ST6GAL1: variants seen among roughly 807,000 people sequenced by gnomAD.
The protein encoded by ST6GAL1 is beta-galactoside alpha-2,6-sialyltransferase 1.
A neutral mutation model predicts 38.0 loss-of-function variants in ST6GAL1; 20 were observed. That is an observed-to-expected ratio of 0.53 (90% CI 0.37 to 0.77). ST6GAL1 has a LOEUF of 0.77. Among genes scored for constraint, ST6GAL1 ranks in the 30% least tolerant of loss-of-function variants. The probability of loss-of-function intolerance (pLI) is 0.00; values close to 1 mark genes in which losing one functional copy is unlikely to be tolerated. For missense variants in ST6GAL1, 432 were observed against 496.4 expected (o/e 0.87, Z 1.23); for synonymous variants, 196 against 188.2 (o/e 1.04, Z -0.34).
At chr3:186,950,121 G>A (rs533540195) in intron 1 of ST6GAL1, among the ~76,000 whole-genome samples, 8 of 152,254 alleles carry the variant, frequency 5.3e-5, no homozygotes, top group Admixed American at 1.3e-4. Flanking sequence ...AGCTGTGGAG[G>A]GAGCTGGAGG....
At chr3:187,058,770 T>C (rs927978093) in intron 5 of ST6GAL1, among the ~76,000 whole-genome samples, 3 of 152,058 alleles carry the variant, frequency 2.0e-5, no homozygotes, top group African/African-American at 7.2e-5. Context: ...GCCTCCTGAG[T>C]AGCTGGGATT....
intron 2 of ST6GAL1, among the ~76,000 whole-genome samples, chr3:187,030,724 G>A (rs887177036): frequency 2.3e-4 from 35 of 152,276 alleles, no homozygotes; most frequent in African/African-American, 7.7e-4. Flanking sequence ...GTGAGCCACC[G>A]TGCCCAGCTG....
intron 2 of ST6GAL1, chr3:186,996,566 G>A (rs2108549580): frequency 6.6e-6 from 1 of 152,286 alleles, no homozygotes; most frequent in Non-Finnish European, 1.5e-5. Context: ...TAAGCTCCAA[G>A]AACTTACGGC....
chr3:187,031,794 A>G (rs1345313134), intron 2 of ST6GAL1, among the ~76,000 whole-genome samples: 1 of 152,106 alleles, frequency 6.6e-6, no homozygotes, highest in Non-Finnish European at 1.5e-5. Context: ...TGTTATTATT[A>G]CTATTTCTAT....
intron 4 of ST6GAL1, among the ~76,000 whole-genome samples, chr3:187,046,685 G>GT: frequency 6.6e-6 from 1 of 152,208 alleles, no homozygotes; most frequent in East Asian, 1.9e-4. Flanking sequence ...TTCTTGGGCA[G>GT]AATAAGGACT....
At chr3:186,951,877 G>A (rs577970778) in intron 1 of ST6GAL1, among the ~76,000 whole-genome samples, 9 of 152,282 alleles carry the variant, frequency 5.9e-5, no homozygotes, top group East Asian at 3.9e-4. Context: ...CAGATTCGGC[G>A]TCTGGTGAGA....
At chr3:186,964,419 T>C (rs1311966326) in intron 2 of ST6GAL1, 1 of 152,200 alleles carries the variant, frequency 6.6e-6, no homozygotes, top group Non-Finnish European at 1.5e-5. Context: ...CCTAGATATG[T>C]TCTGATTATA....
At chr3:186,955,071 C>CCA (rs1714703408) in intron 1 of ST6GAL1, among the ~76,000 whole-genome samples, 1 of 152,154 alleles carries the variant, frequency 6.6e-6, no homozygotes, top group South Asian at 2.1e-4. Flanking sequence ...TTCCCAGCAC[C>CCA]ATTTATTAAA....
At chr3:186,995,717 G>T (rs1579306611) in intron 2 of ST6GAL1, among the ~76,000 whole-genome samples, 1 of 149,744 alleles carries the variant, frequency 6.7e-6, no homozygotes, top group Non-Finnish European at 1.5e-5. Context: ...GGTGGCTTAT[G>T]CCTGTAATCC....
intron 2 of ST6GAL1, among the ~76,000 whole-genome samples, chr3:186,969,358 T>G (rs1192875070): frequency 6.6e-6 from 1 of 152,202 alleles, no homozygotes; most frequent in Non-Finnish European, 1.5e-5. Flanking sequence ...CAGCCCATCT[T>G]TTTCATTTTA....
chr3:187,035,051 A>C (rs1717881882), intron 2 of ST6GAL1, among the ~76,000 whole-genome samples: 1 of 152,232 alleles, frequency 6.6e-6, no homozygotes, highest in African/African-American at 2.4e-5. Context: ...AACTTCAGCA[A>C]AGTTTCAGGA....
In ST6GAL1 at chr3:186,982,555, A is replaced by T. The variant is rs115475021; in HGVS notation, c.-183+18629A>T. Among the ~76,000 whole-genome samples the T allele has an allele frequency of 3.4e-3, 516 of 152,294 alleles. 1 individual carries two copies. Among genetic ancestry groups the T allele is most frequent in the Non-Finnish European group, 4.7e-3 (323 of 68,036 alleles). ...AGGAAGTGAGAGGAAGGGAGCATGT[A>T]CCGTGTATCATTTAATCAACCTTGA... On this transcript the variant is annotated intron_variant, in intron 2 of 7. Coordinates refer to ENST00000169298, the MANE Select transcript of ST6GAL1 (RefSeq NM_173216.2).
At chr3:186,998,012 T>G (rs866557931) in intron 2 of ST6GAL1, among the ~76,000 whole-genome samples, 1 of 152,166 alleles carries the variant, frequency 6.6e-6, no homozygotes, top group African/African-American at 2.4e-5. Flanking sequence ...TTTGGGAAGC[T>G]GAGGCAGGAG....
At chr3:186,983,203 C>T (rs1421003167) in intron 2 of ST6GAL1, among the ~76,000 whole-genome samples, 3 of 152,040 alleles carry the variant, frequency 2.0e-5, no homozygotes, top group Non-Finnish European at 2.9e-5. Flanking sequence ...ATAGTTACCA[C>T]GGTTTGGGCA....
chr3:187,058,120 C>T (rs1718780120), intron 5 of ST6GAL1, among the ~76,000 whole-genome samples: 1 of 152,330 alleles, frequency 6.6e-6, no homozygotes, highest in Middle Eastern at 3.4e-3. Context: ...GATATAATCT[C>T]CTGGTGTGCC....
intron 2 of ST6GAL1, among the ~76,000 whole-genome samples, chr3:187,007,491 A>C (rs1716821091): frequency 6.6e-6 from 1 of 152,228 alleles, no homozygotes; most frequent in Non-Finnish European, 1.5e-5. Flanking sequence ...CTGACACTGG[A>C]GCTAACACTC....
At chr3:186,949,219 T>C (rs1321616764) in intron 1 of ST6GAL1, among the ~76,000 whole-genome samples, 1 of 152,138 alleles carries the variant, frequency 6.6e-6, no homozygotes, top group Non-Finnish European at 1.5e-5. Flanking sequence ...TCTTGTCTTA[T>C]TTTGGGAACC....
At chr3:186,946,848 C>T (rs1714388435) in intron 1 of ST6GAL1, among the ~76,000 whole-genome samples, 1 of 152,106 alleles carries the variant, frequency 6.6e-6, no homozygotes, top group Non-Finnish European at 1.5e-5. Flanking sequence ...GATGGATGAA[C>T]ACTGTGGGGG....
chr3:187,065,034 G>C, intron 5 of ST6GAL1, among the ~76,000 whole-genome samples: 1 of 144,714 alleles, frequency 6.9e-6, no homozygotes, highest in Admixed American at 7.0e-5. Context: ...ACAGAGTTTT[G>C]CTCTTGCGCT....
Sources: allele counts gnomAD v4.1 joint callset (sites outside exome capture counted in the v4.1 genomes callset), GRCh38; gene constraint gnomAD v4.1.1; transcripts MANE v1.5; gene names NCBI Gene and HGNC (gene_info 2026-07-23, HGNC 2026-07-21).